MCTP1: variants seen among roughly 807,000 people sequenced by gnomAD.
MCTP1 encodes the protein multiple C2 and transmembrane domain-containing protein 1.
A neutral mutation model predicts 120.6 loss-of-function variants in MCTP1; 69 were observed. The observed-to-expected ratio is 0.57, with a 90% confidence interval of 0.47 to 0.70. MCTP1 has a LOEUF of 0.70. MCTP1 is among the 30% of genes least tolerant of loss of function. The pLI is 0.00. For missense variants in MCTP1, 1,203 were observed against 1,248.8 expected (o/e 0.96, Z 0.55); for synonymous variants, 529 against 493.1 (o/e 1.07, Z -0.96).
At position 94,705,981 on chromosome 5, in the gene MCTP1, TTATAAG is replaced by T; in HGVS notation, c.*1509_*1514del. ...ATATAAACAGATCAAAATAGTTCTA[TTATAAG>T]AAATAGTATTTAACAACTTATCTCT... is the stretch of plus-strand genomic sequence containing the variant. On this transcript the variant is annotated 3_prime_UTR_variant, in exon 23 of 23. Transcript: ENST00000515393. 1 of 151,680 alleles carries T rather than the reference TTATAAG, an allele frequency of 6.6e-6. No homozygotes were observed. Among genetic ancestry groups the T allele is most frequent in the African/African-American group, 2.4e-5 (1 of 41,378 alleles). The allele number at this position is 151,680 out of a possible 1,614,324, so 9.4% of individuals were successfully genotyped here.
chr5:94,995,257 A>G (rs1290865671), intron 2 of MCTP1, among the ~76,000 whole-genome samples: 1 of 152,180 alleles, frequency 6.6e-6, no homozygotes, highest in East Asian at 1.9e-4. Context: ...GTTTCTTAAA[A>G]CACAGATTCG....
At chr5:94,756,885 CT>C (rs375357568) in intron 19 of MCTP1, among the ~76,000 whole-genome samples, 4,845 of 151,332 alleles carry the variant, frequency 0.032, 78 homozygotes, top group African/African-American at 0.044. Flanking sequence ...GAATTTATGA[CT>C]TTTTTTTTGT....
chr5:95,133,926 A>T (rs1582324246), intron 1 of MCTP1, among the ~76,000 whole-genome samples: 3 of 152,348 alleles, frequency 2.0e-5, no homozygotes, highest in Middle Eastern at 6.8e-3. Context: ...TACTTGAATA[A>T]GAACTGTAAA....
At chr5:94,847,965 A>T (rs1792860070) in intron 17 of MCTP1, among the ~76,000 whole-genome samples, 1 of 151,966 alleles carries the variant, frequency 6.6e-6, no homozygotes, top group African/African-American at 2.4e-5. Flanking sequence ...GATAAGACTG[A>T]TCTCTTGAGA....
At chr5:94,806,801 T>C (rs534800528) in intron 17 of MCTP1, among the ~76,000 whole-genome samples, 6 of 152,342 alleles carry the variant, frequency 3.9e-5, no homozygotes, top group South Asian at 4.1e-4. Flanking sequence ...TCTCCAGTGA[T>C]GAGATGTGTT....
intron 1 of MCTP1, among the ~76,000 whole-genome samples, chr5:95,265,876 C>A (rs1758841008): frequency 6.6e-6 from 1 of 152,124 alleles, no homozygotes; most frequent in South Asian, 2.1e-4. Flanking sequence ...ATGTTGACAA[C>A]TGAGGAGGAT....
At chr5:94,951,601 C>T (rs1408959318) in intron 3 of MCTP1, among the ~76,000 whole-genome samples, 1 of 152,184 alleles carries the variant, frequency 6.6e-6, no homozygotes, top group Admixed American at 6.5e-5. Context: ...ACTCATGTCT[C>T]CTGATCTCCC....
intron 1 of MCTP1, among the ~76,000 whole-genome samples, chr5:95,031,048 T>C (rs1840186360): frequency 2.0e-5 from 3 of 151,890 alleles, no homozygotes; most frequent in African/African-American, 7.3e-5. Flanking sequence ...ATTTCAGAGT[T>C]TGAAGATCAG....
intron 19 of MCTP1, among the ~76,000 whole-genome samples, chr5:94,716,124 G>A (rs534485854): frequency 6.6e-6 from 1 of 152,296 alleles, no homozygotes; most frequent in Non-Finnish European, 1.5e-5. Context: ...TGGGACCAAG[G>A]ACATGGAGGC....
chr5:95,215,011 T>TA (rs538275819), intron 1 of MCTP1, among the ~76,000 whole-genome samples: 23 of 148,726 alleles, frequency 1.5e-4, no homozygotes, highest in African/African-American at 4.7e-4. Flanking sequence ...ACTTAAAGTA[T>TA]AAAAAAAAAA....
chr5:94,991,756 A>T (rs1292452654), intron 2 of MCTP1, among the ~76,000 whole-genome samples: 2 of 152,062 alleles, frequency 1.3e-5, no homozygotes. Context: ...GGGCGCCTGT[A>T]ATCCCAGCTA....
chr5:95,238,284 T>C (rs1388758564), intron 1 of MCTP1, among the ~76,000 whole-genome samples: 1 of 152,202 alleles, frequency 6.6e-6, no homozygotes, highest in Non-Finnish European at 1.5e-5. Context: ...ATTGGTATAT[T>C]ATTATTAATC....
At chr5:95,061,208 G>C (rs1748965573) in intron 1 of MCTP1, among the ~76,000 whole-genome samples, 1 of 151,180 alleles carries the variant, frequency 6.6e-6, no homozygotes, top group Admixed American at 6.6e-5. Context: ...ACAAAGAAAA[G>C]ACTTAAGGAA....
intron 1 of MCTP1, among the ~76,000 whole-genome samples, chr5:95,029,403 C>T (rs1352082407): frequency 6.6e-6 from 1 of 152,122 alleles, no homozygotes; most frequent in Non-Finnish European, 1.5e-5. Flanking sequence ...AATTTTCTTT[C>T]CTTTTCTCAA....
At chr5:94,714,987 C>G in intron 19 of MCTP1, 101 bp from the exon 20 acceptor site, 1 of 724,882 alleles carries the variant, frequency 1.4e-6, no homozygotes. Context: ...CTTAAATAAA[C>G]TTCATTTTCG....
chr5:95,045,079 C>A (rs930184439), intron 1 of MCTP1, among the ~76,000 whole-genome samples: 1 of 152,168 alleles, frequency 6.6e-6, no homozygotes, highest in Non-Finnish European at 1.5e-5. Flanking sequence ...CTCCAGCTAC[C>A]TTCCCCCTCA....
chr5:95,265,751 A>G (rs1758832092), intron 1 of MCTP1, among the ~76,000 whole-genome samples: 1 of 152,208 alleles, frequency 6.6e-6, no homozygotes, highest in African/African-American at 2.4e-5. Flanking sequence ...TATCTTTTAC[A>G]TATATATGCT....
chr5:94,944,976 ATTG>A (rs1420400820), intron 3 of MCTP1, among the ~76,000 whole-genome samples: 1 of 152,164 alleles, frequency 6.6e-6, no homozygotes, highest in Non-Finnish European at 1.5e-5. Flanking sequence ...TTAACAAGGT[ATTG>A]TTGTTTCTAT....
intron 2 of MCTP1, among the ~76,000 whole-genome samples, chr5:94,965,316 T>C (rs1029730781): frequency 7.9e-5 from 12 of 152,172 alleles, no homozygotes; most frequent in Admixed American, 4.6e-4. Flanking sequence ...AGATATCCAC[T>C]TCACTCTCTT....
Sources: gnomAD v4.1 joint callset for allele counts (sites outside exome capture counted in the v4.1 genomes callset) on GRCh38, gnomAD v4.1.1 for gene constraint, MANE v1.5 for transcripts, NCBI Gene and HGNC (gene_info 2026-07-23, HGNC 2026-07-21) for gene names.